MAML3: variants seen among roughly 807,000 people sequenced by gnomAD.
MAML3 encodes the protein mastermind like transcriptional coactivator 3.
MAML3 carries 27 observed loss-of-function variants against 101.9 expected under a neutral mutation model. The ratio of observed to expected loss-of-function variants is 0.27; its 90% CI spans 0.20 to 0.37. The LOEUF (loss-of-function observed/expected upper bound fraction) is 0.37. MAML3 is among the 10% of genes least tolerant of loss of function. The pLI is 1.00. For synonymous variants in MAML3, 501 were observed against 555.9 expected, an observed-to-expected ratio of 0.90 and a Z score of 1.39; for missense variants, 1,316 against 1,444.9, an observed-to-expected ratio of 0.91 and a Z score of 1.45.
intron 1 of MAML3, among the ~76,000 whole-genome samples, chr4:139,994,511 TTGG>T (rs571987402): frequency 2.7e-4 from 41 of 151,950 alleles, no homozygotes; most frequent in African/African-American, 9.4e-4. Flanking sequence ...AGAAGAAAAA[TTGG>T]TGGAGTAAGG....
At chr4:140,100,856 T>G (rs554270735) in intron 1 of MAML3, among the ~76,000 whole-genome samples, 1 of 152,166 alleles carries the variant, frequency 6.6e-6, no homozygotes, top group Non-Finnish European at 1.5e-5. Context: ...GGAGTGATAT[T>G]ATGCCATTTC....
At chr4:139,916,632 T>C (rs1158905002) in intron 1 of MAML3, among the ~76,000 whole-genome samples, 2 of 152,250 alleles carry the variant, frequency 1.3e-5, no homozygotes, top group Non-Finnish European at 2.9e-5. Flanking sequence ...CCACCAACCA[T>C]GGTTCTATTG....
chr4:140,074,205 G>GAA (rs764063047), intron 1 of MAML3, among the ~76,000 whole-genome samples: 1 of 119,964 alleles, frequency 8.3e-6, no homozygotes, highest in African/African-American at 3.1e-5. Flanking sequence ...GAAAGAGAAA[G>GAA]AAAGAAAGAA....
chr4:139,905,441 G>A lies in MAML3; in HGVS notation c.469-14474C>T, dbSNP rs192065877. ...CGGGAGGCAGAGCTTGCTGTGAGCC[G>A]AGATCATGCCATTGCACTCCAGCCC... On this transcript the variant is annotated intron_variant, in intron 1 of 4. Transcript: ENST00000509479. 6.8e-5 allele frequency among the ~76,000 whole-genome samples: 9 copies of A among 133,008 alleles called. No individual in the cohort carries two copies. In the East Asian group the frequency reaches 1.1e-3, roughly 17 times the overall value. 87.3% of individuals were successfully genotyped at this position (133,008 alleles called of 152,430 possible). A position where few individuals can be genotyped will look rare whatever the true frequency, so the allele number is the denominator to read the frequency against.
chr4:139,761,577 T>G (rs1028722589), intron 2 of MAML3, among the ~76,000 whole-genome samples: 1 of 152,204 alleles, frequency 6.6e-6, no homozygotes, highest in Non-Finnish European at 1.5e-5. Flanking sequence ...CACATTCTCA[T>G]GCACAGATGC....
At chr4:139,845,287 C>A (rs1731421978) in intron 2 of MAML3, among the ~76,000 whole-genome samples, 1 of 152,112 alleles carries the variant, frequency 6.6e-6, no homozygotes. Flanking sequence ...CTGCATTAGA[C>A]AGAGTACACA....
intron 1 of MAML3, among the ~76,000 whole-genome samples, chr4:140,032,229 C>A (rs141232355): frequency 1.2e-3 from 187 of 152,310 alleles, no homozygotes; most frequent in African/African-American, 4.3e-3. Flanking sequence ...TCAACCCACT[C>A]ATTTTCAAAG....
chr4:140,053,620 T>C (rs986013537), intron 1 of MAML3, among the ~76,000 whole-genome samples: 4 of 152,200 alleles, frequency 2.6e-5, no homozygotes, highest in African/African-American at 7.2e-5. Flanking sequence ...TTTAAAATTT[T>C]TGACTGAATA....
At chr4:139,857,455 C>T (rs910561652) in intron 2 of MAML3, among the ~76,000 whole-genome samples, 4 of 152,052 alleles carry the variant, frequency 2.6e-5, no homozygotes, top group Non-Finnish European at 5.9e-5. Context: ...AATAAACCAA[C>T]ATATTGATAA....
intron 1 of MAML3, among the ~76,000 whole-genome samples, chr4:140,017,841 G>A (rs1011582784): frequency 7.6e-6 from 1 of 132,174 alleles, no homozygotes; most frequent in South Asian, 2.4e-4. Context: ...TTAGGGAAAT[G>A]TTCTGTATCT....
At chr4:140,112,513 A>T (rs994263601) in intron 1 of MAML3, among the ~76,000 whole-genome samples, 1 of 152,256 alleles carries the variant, frequency 6.6e-6, no homozygotes, top group African/African-American at 2.4e-5. Flanking sequence ...GCTCACTTGC[A>T]GTCACATTGA....
At chr4:139,984,452 A>G (rs572847828) in intron 1 of MAML3, among the ~76,000 whole-genome samples, 1 of 152,292 alleles carries the variant, frequency 6.6e-6, no homozygotes, top group South Asian at 2.1e-4. Context: ...CTTGCTTTGT[A>G]TGAAAAAGTC....
intron 1 of MAML3, among the ~76,000 whole-genome samples, chr4:140,027,618 T>C (rs925264252): frequency 6.6e-6 from 1 of 152,228 alleles, no homozygotes; most frequent in East Asian, 1.9e-4. Flanking sequence ...AATGAATGTG[T>C]TGTTTATATC....
intron 2 of MAML3, among the ~76,000 whole-genome samples, chr4:139,744,072 A>T (rs370945070): frequency 4.6e-5 from 7 of 152,150 alleles, no homozygotes; most frequent in African/African-American, 1.7e-4. Flanking sequence ...GCCCAAATAT[A>T]TCCTGTAGTC....
intron 2 of MAML3, among the ~76,000 whole-genome samples, chr4:139,752,528 G>A (rs1316130348): frequency 2.0e-5 from 3 of 152,172 alleles, no homozygotes; most frequent in Admixed American, 6.5e-5. Context: ...GTCAAAAAGA[G>A]GATGGCTGGG....
At chr4:139,975,861 G>C (rs150873127) in intron 1 of MAML3, among the ~76,000 whole-genome samples, 1 of 152,264 alleles carries the variant, frequency 6.6e-6, no homozygotes, top group Non-Finnish European at 1.5e-5. Context: ...ATAACAACCA[G>C]GGGCTGTTAA....
chr4:139,745,707 G>A (rs1307875933), intron 2 of MAML3, among the ~76,000 whole-genome samples: 1 of 152,140 alleles, frequency 6.6e-6, no homozygotes, highest in Non-Finnish European at 1.5e-5. Context: ...TAAAAATAAT[G>A]CTAGTTTTTC....
intron 2 of MAML3, among the ~76,000 whole-genome samples, chr4:139,830,437 C>A (rs1201661609): frequency 1.1e-4 from 12 of 112,958 alleles, no homozygotes; most frequent in South Asian, 7.9e-4. Context: ...TTTTTTGAGA[C>A]GGAGTCTCGC....
At chr4:140,152,214 C>G (rs764595716) in intron 1 of MAML3, among the ~76,000 whole-genome samples, 3 of 152,204 alleles carry the variant, frequency 2.0e-5, no homozygotes, top group Admixed American at 1.3e-4. Context: ...CGAGCACCCC[C>G]GCGCGCAGCC....
Sources: allele counts gnomAD v4.1 joint callset (sites outside exome capture counted in the v4.1 genomes callset), GRCh38; gene constraint gnomAD v4.1.1; transcripts MANE v1.5; gene names NCBI Gene and HGNC (gene_info 2026-07-23, HGNC 2026-07-21).